The following COL19A1 variants were observed in gnomAD, a reference collection of about 807,000 sequenced individuals.
COL19A1 encodes collagen type XIX alpha 1 chain.
In COL19A1, 159 loss-of-function variants were observed where a neutral mutation model predicts 190.2. That is an observed-to-expected ratio of 0.84 (90% confidence interval 0.73 to 0.95). COL19A1 has a LOEUF of 0.95. Among genes scored for constraint, COL19A1 ranks in the 40% least tolerant of loss-of-function variants. COL19A1 has a pLI of 0.00. For synonymous variants in COL19A1, 509 were observed against 458.9 expected (o/e 1.11, Z -1.39); for missense variants, 1,418 against 1,431.9 (o/e 0.99, Z 0.16).
At chr6:70,095,658 ACT>A (rs1783207426) in intron 15 of COL19A1, among the ~76,000 whole-genome samples, 1 of 151,982 alleles carries the variant, frequency 6.6e-6, no homozygotes, top group Non-Finnish European at 1.5e-5. Context: ...CAAAACTGAA[ACT>A]CTATAAACAT....
Position 70,182,601 on chromosome 6 carries a change from A to G in COL19A1, c.2775+2078A>G, listed in dbSNP as rs150235549. On this transcript the variant is annotated intron_variant, in intron 44 of 50. Transcript: ENST00000620364. ...CAAAGAAGGCTGTGAAACTGCAGCC[A>G]GAGAGACAGGAAGAAAATCGGGCAA... Among the ~76,000 whole-genome samples the G allele has an allele frequency of 6.3e-3, 967 of 152,344 alleles. 12 individuals carry two copies. Among genetic ancestry groups the G allele is most frequent in the African/African-American group, 0.019 (775 of 41,568 alleles).
At chr6:70,063,491 G>A (rs904151657) in intron 14 of COL19A1, among the ~76,000 whole-genome samples, 37 of 151,990 alleles carry the variant, frequency 2.4e-4, no homozygotes, top group Non-Finnish European at 4.6e-4. Flanking sequence ...AGTGTGTAGA[G>A]GGAAATTTAT....
intron 9 of COL19A1, among the ~76,000 whole-genome samples, chr6:69,956,984 T>G (rs1313108065): frequency 6.6e-6 from 1 of 152,074 alleles, no homozygotes; most frequent in African/African-American, 2.4e-5. Flanking sequence ...GTATGTAACT[T>G]TCTACTTTCT....
intron 15 of COL19A1, among the ~76,000 whole-genome samples, chr6:70,099,709 T>C (rs756920006): frequency 4.4e-4 from 67 of 152,204 alleles, no homozygotes; most frequent in Non-Finnish European, 7.9e-4. Context: ...CTAATAGAAA[T>C]TCAAGCCTAG....
chr6:70,039,910 T>C (rs1432545549), intron 14 of COL19A1, among the ~76,000 whole-genome samples: 6 of 149,034 alleles, frequency 4.0e-5, no homozygotes, highest in Admixed American at 4.0e-4. Flanking sequence ...CTACAGACGG[T>C]TGGCACTATG....
intron 14 of COL19A1, among the ~76,000 whole-genome samples, chr6:70,046,347 G>A (rs1582771532): frequency 6.6e-6 from 1 of 152,126 alleles, no homozygotes; most frequent in East Asian, 1.9e-4. Flanking sequence ...CTTCTTTTCG[G>A]AATCTCCAGT....
chr6:70,155,692 A>AT (rs1562227329), intron 31 of COL19A1, among the ~76,000 whole-genome samples: 1 of 152,000 alleles, frequency 6.6e-6, no homozygotes. Context: ...TTTCTTCACA[A>AT]TTTTTTCTGT....
At chr6:69,976,244 G>A (rs59501442) in intron 11 of COL19A1, among the ~76,000 whole-genome samples, 33,522 of 152,092 alleles carry the variant, frequency 0.22, 6,260 homozygotes, top group African/African-American at 0.5. Flanking sequence ...CTTAACGTCT[G>A]TCTTGGTCTC....
chr6:70,056,514 C>T (rs73746860), intron 14 of COL19A1, among the ~76,000 whole-genome samples: 1 of 152,254 alleles, frequency 6.6e-6, no homozygotes, highest in African/African-American at 2.4e-5. Context: ...CTTACCTCTC[C>T]TCCTTCACCT....
chr6:70,165,956 C>G lies in COL19A1; in HGVS notation c.2416C>G (p.Pro806Ala). Residue 806 changes from proline to alanine, a missense_variant, in exon 37 of 51, where the codon CCT (proline) becomes GCT (alanine). Transcript: ENST00000620364. ...TCCCTTGCAGGGCAGCGACGGACCC[C>G]CTGGGAAACCCGGACCACCTGGACC... ...AKGEKGSDGP[P>A]GKPGPPGPPG... is the part of the protein sequence containing the mutation. 4 of 1,613,982 alleles carry G rather than the reference C, an allele frequency of 2.5e-6. No individual in the cohort carries two copies. Among genetic ancestry groups the G allele is most frequent in the Non-Finnish European group, 3.4e-6 (4 of 1,179,886 alleles).
At chr6:69,885,941 C>T (rs1768898433) in intron 2 of COL19A1, among the ~76,000 whole-genome samples, 1 of 152,074 alleles carries the variant, frequency 6.6e-6, no homozygotes, top group Non-Finnish European at 1.5e-5. Flanking sequence ...TTTTGGATAT[C>T]ACATGAAAAA....
intron 8 of COL19A1, among the ~76,000 whole-genome samples, chr6:69,937,464 A>T (rs915601584): frequency 6.6e-6 from 1 of 152,018 alleles, no homozygotes; most frequent in Non-Finnish European, 1.5e-5. Flanking sequence ...TGTGCCATGG[A>T]CCTTTATGAA....
intron 11 of COL19A1, among the ~76,000 whole-genome samples, chr6:70,001,308 C>A (rs985039058): frequency 1.3e-5 from 2 of 152,128 alleles, no homozygotes; most frequent in African/African-American, 4.8e-5. Flanking sequence ...AGCGTGATGC[C>A]TCCAGCTTTG....
At position 70,168,267 on chromosome 6, in the gene COL19A1, A is replaced by T. The variant is rs774588618; in HGVS notation, c.2541+52A>T. 10 of 1,567,502 alleles carry T rather than the reference A, an allele frequency of 6.4e-6. No homozygotes were observed. In the Middle Eastern group the frequency reaches 6.7e-4, roughly 105 times the overall value. The stretch of plus-strand genomic sequence containing the variant: ...ACACTTTAGCTGAACAACCACAATG[A>T]AAAACAAACAATAAAAACCTCTTAA... On this transcript the variant is annotated intron_variant, in intron 39 of 50. Coordinates refer to ENST00000620364, the MANE Select transcript of COL19A1 (RefSeq NM_001858.6).
At chr6:70,106,014 G>A (rs577903217) in intron 16 of COL19A1, among the ~76,000 whole-genome samples, 1 of 152,204 alleles carries the variant, frequency 6.6e-6, no homozygotes, top group Non-Finnish European at 1.5e-5. Context: ...CAGGAGGCAT[G>A]ATTTTTTTAT....
At chr6:70,119,308 A>T (rs1348835866) in intron 16 of COL19A1, among the ~76,000 whole-genome samples, 4 of 152,186 alleles carry the variant, frequency 2.6e-5, no homozygotes, top group African/African-American at 7.2e-5. Flanking sequence ...TAGATGGGAG[A>T]TACAAGGAGT....
chr6:70,174,225 A>T (rs1765667798), intron 41 of COL19A1, among the ~76,000 whole-genome samples: 1 of 152,124 alleles, frequency 6.6e-6, no homozygotes, highest in Admixed American at 6.5e-5. Context: ...AGCCCTAGGG[A>T]CCCTCTTGAG....
intron 9 of COL19A1, among the ~76,000 whole-genome samples, chr6:69,946,601 T>C (rs1773826913): frequency 1.3e-5 from 2 of 151,856 alleles, no homozygotes; most frequent in African/African-American, 4.8e-5. Flanking sequence ...AGCACAAACT[T>C]TGGTGCAAGC....
chr6:70,026,628 T>G (rs1348996828), intron 12 of COL19A1, among the ~76,000 whole-genome samples: 3 of 149,692 alleles, frequency 2.0e-5, no homozygotes, highest in Non-Finnish European at 4.5e-5. Flanking sequence ...TTCTCCTCTT[T>G]CCCCTCTATC....
Sources: allele counts gnomAD v4.1 joint callset (sites outside exome capture counted in the v4.1 genomes callset), GRCh38; gene constraint gnomAD v4.1.1; transcripts MANE v1.5; gene names NCBI Gene and HGNC (gene_info 2026-07-23, HGNC 2026-07-21).